Variants in SLC25A21 observed in about 807,000 individuals in gnomAD.
SLC25A21 encodes mitochondrial 2-oxodicarboxylate carrier.
Under a neutral mutation model 43.8 loss-of-function variants are expected in SLC25A21, and 47 were observed. That is an observed-to-expected ratio of 1.07 (90% confidence interval 0.85 to 1.37). The LOEUF (loss-of-function observed/expected upper bound fraction) is 1.37. Among genes scored for constraint, SLC25A21 ranks in the 40% most tolerant of loss-of-function variants. The pLI, the probability that SLC25A21 is intolerant of heterozygous loss-of-function variation, is 0.00. For missense variants in SLC25A21, 352 were observed against 350.2 expected (o/e 1.00, Z -0.04); for synonymous variants, 131 against 121.3 (o/e 1.08, Z -0.52).
intron 7 of SLC25A21, among the ~76,000 whole-genome samples, chr14:36,687,283 A>T (rs1439451299): frequency 6.6e-6 from 1 of 152,084 alleles, no homozygotes. Flanking sequence ...TTCCCAGCAC[A>T]ACAGTAAGAT....
At chr14:36,753,733 AC>A (rs1885804003) in intron 3 of SLC25A21, among the ~76,000 whole-genome samples, 1 of 152,120 alleles carries the variant, frequency 6.6e-6, no homozygotes, top group Admixed American at 6.5e-5. Flanking sequence ...GAATTTCAGA[AC>A]CATAGCACTT....
chr14:36,763,942 T>C (rs1229491022), intron 3 of SLC25A21, among the ~76,000 whole-genome samples: 1 of 149,958 alleles, frequency 6.7e-6, no homozygotes, highest in Non-Finnish European at 1.5e-5. Context: ...GGCAGGAGAA[T>C]TGCTTGAACC....
intron 1 of SLC25A21, among the ~76,000 whole-genome samples, chr14:37,170,785 C>T (rs1044919057): frequency 2.6e-5 from 4 of 151,668 alleles, no homozygotes; most frequent in African/African-American, 9.7e-5. Flanking sequence ...TCCCCTTCCC[C>T]CACCTCCCCA....
chr14:36,992,749 G>A (rs1960291629), intron 1 of SLC25A21, among the ~76,000 whole-genome samples: 1 of 152,076 alleles, frequency 6.6e-6, no homozygotes, highest in African/African-American at 2.4e-5. Flanking sequence ...CATTTATAGG[G>A]GCTGTGTTAT....
intron 1 of SLC25A21, among the ~76,000 whole-genome samples, chr14:37,120,358 G>A (rs183909209): frequency 5.3e-5 from 8 of 152,230 alleles, no homozygotes; most frequent in African/African-American, 7.2e-5. Context: ...GAAAGAATAC[G>A]TCTTACAAAG....
At chr14:36,705,884 C>T (rs1210483910) in intron 7 of SLC25A21, among the ~76,000 whole-genome samples, 1 of 152,130 alleles carries the variant, frequency 6.6e-6, no homozygotes, top group Admixed American at 6.6e-5. Context: ...CAGAGACAGC[C>T]TACAGCAAAG....
At chr14:37,029,284 A>T (rs80233804) in intron 1 of SLC25A21, among the ~76,000 whole-genome samples, 2,493 of 152,284 alleles carry the variant, frequency 0.016, 30 homozygotes, top group Non-Finnish European at 0.026. Context: ...AAAATGATAG[A>T]GCACATGAAG....
At chr14:36,919,197 T>C (rs1891910859) in intron 1 of SLC25A21, among the ~76,000 whole-genome samples, 1 of 152,132 alleles carries the variant, frequency 6.6e-6, no homozygotes, top group African/African-American at 2.4e-5. Flanking sequence ...TATTACAGCA[T>C]TAGATACCTT....
intron 1 of SLC25A21, among the ~76,000 whole-genome samples, chr14:37,143,589 C>CGTGT (rs10531936): frequency 0.06 from 8,942 of 148,618 alleles, 834 homozygotes; most frequent in African/African-American, 0.2. Flanking sequence ...TGTTCATTAG[C>CGTGT]GTGTGTGTGT....
rs191247072 is a variant in SLC25A21 at position 36,913,496 on chromosome 14, G to A, written c.71-38492C>T. 7.4e-4 allele frequency among the ~76,000 whole-genome samples: 113 copies of A among 152,222 alleles called. 1 individual carries two copies. The East Asian group carries it at 0.015, about 20-fold the overall frequency. ...TCATTATGTTGTCCAGGCTGGCCTC[G>A]AATTCCTGAGCTCAAGTGATCTTCC... On this transcript the variant is annotated intron_variant, in intron 1 of 9. Transcript: ENST00000331299.
intron 2 of SLC25A21, among the ~76,000 whole-genome samples, chr14:36,856,949 G>C (rs1273185094): frequency 6.6e-6 from 1 of 152,196 alleles, no homozygotes; most frequent in Non-Finnish European, 1.5e-5. Flanking sequence ...GCTCACTGCT[G>C]GTGCAAAAGG....
At chr14:37,098,071 T>C (rs1962736293) in intron 1 of SLC25A21, 1 of 152,178 alleles carries the variant, frequency 6.6e-6, no homozygotes, top group Admixed American at 6.5e-5. Context: ...TTTTTAAAGA[T>C]ATACATGCAA....
intron 3 of SLC25A21, among the ~76,000 whole-genome samples, chr14:36,770,796 T>C (rs1481877388): frequency 1.3e-5 from 2 of 152,226 alleles, no homozygotes; most frequent in East Asian, 3.8e-4. Context: ...GATTTCATTT[T>C]GCCATATATA....
intron 1 of SLC25A21, among the ~76,000 whole-genome samples, chr14:37,129,756 T>C (rs1305134967): frequency 6.6e-6 from 1 of 151,368 alleles, no homozygotes; most frequent in Non-Finnish European, 1.5e-5. Flanking sequence ...AGGTTTAGAG[T>C]CTTTTTTAAC....
intron 1 of SLC25A21, among the ~76,000 whole-genome samples, chr14:36,929,137 A>C (rs1378414416): frequency 6.6e-6 from 1 of 152,136 alleles, no homozygotes; most frequent in Non-Finnish European, 1.5e-5. Context: ...GACCTCCATA[A>C]AAATAAATTG....
chr14:37,035,912 C>T lies in SLC25A21; in HGVS notation c.70+136369G>A, dbSNP rs1961317029. On this transcript the variant is annotated intron_variant, in intron 1 of 9. Transcript: ENST00000331299. ...ATATTTGGGTCATTATGTCATATAC[C>T]ACCAGCAAGTAAGGTTGTTTTATTG... is the stretch of plus-strand genomic sequence containing the variant. Among the ~76,000 whole-genome samples, 6 of 152,132 alleles carry T rather than the reference C, an allele frequency of 3.9e-5. No homozygotes were observed. The South Asian group carries it at 1.2e-3, about 32-fold the overall frequency.
intron 1 of SLC25A21, among the ~76,000 whole-genome samples, chr14:37,157,617 G>C (rs1237315115): frequency 6.6e-6 from 1 of 152,038 alleles, no homozygotes; most frequent in African/African-American, 2.4e-5. Context: ...TTATAGCACT[G>C]AATAACTACA....
chr14:36,956,571 G>A (rs573168313), intron 1 of SLC25A21, among the ~76,000 whole-genome samples: 6 of 152,076 alleles, frequency 3.9e-5, no homozygotes, highest in South Asian at 4.2e-4. Context: ...TCATTCATTC[G>A]TTTATTTTTT....
intron 1 of SLC25A21, among the ~76,000 whole-genome samples, chr14:37,033,706 T>C (rs1466684146): frequency 6.6e-6 from 1 of 152,204 alleles, no homozygotes; most frequent in Admixed American, 6.5e-5. Flanking sequence ...TATGAATATA[T>C]TTTTATTCCC....
Sources: gnomAD v4.1 joint callset for allele counts (sites outside exome capture counted in the v4.1 genomes callset) on GRCh38, gnomAD v4.1.1 for gene constraint, MANE v1.5 for transcripts, NCBI Gene and HGNC (gene_info 2026-07-23, HGNC 2026-07-21) for gene names.